The following ATP9B variants were observed in gnomAD, a reference collection of about 807,000 sequenced individuals.
The protein encoded by ATP9B is probable phospholipid-transporting ATPase IIB.
In ATP9B, 110 loss-of-function variants were observed where a neutral mutation model predicts 146.1. The ratio of observed to expected loss-of-function variants is 0.75; its 90% CI spans 0.65 to 0.88. The LOEUF is 0.88. Ranked by LOEUF, ATP9B falls within the 40% of genes least tolerant of loss-of-function variation. ATP9B has a pLI of 0.00. For missense variants in ATP9B, 1,499 were observed against 1,496.4 expected (o/e 1.00, Z -0.03); for synonymous variants, 604 against 569.7 (o/e 1.06, Z -0.86).
At chr18:79,091,764 A>G (rs1042171106) in intron 1 of ATP9B, among the ~76,000 whole-genome samples, 7 of 152,202 alleles carry the variant, frequency 4.6e-5, no homozygotes, top group Non-Finnish European at 2.9e-5. Flanking sequence ...GATTCCCCCT[A>G]TATGTTTCTC....
chr18:79,354,270 T>C (rs541595935), intron 25 of ATP9B: 5 of 152,068 alleles, frequency 3.3e-5, no homozygotes, highest in Non-Finnish European at 7.3e-5. Flanking sequence ...CAATGTCATT[T>C]AACAACAACA....
intron 7 of ATP9B, among the ~76,000 whole-genome samples, chr18:79,156,485 C>T (rs779408632): frequency 1.1e-4 from 17 of 152,226 alleles, no homozygotes; most frequent in South Asian, 4.1e-4. Flanking sequence ...AAGCTTCCGT[C>T]AGCCTGGTGT....
At chr18:79,315,802 T>G (rs1306413757) in intron 15 of ATP9B, among the ~76,000 whole-genome samples, 1 of 152,238 alleles carries the variant, frequency 6.6e-6, no homozygotes, top group African/African-American at 2.4e-5. Flanking sequence ...ACAAATCGCC[T>G]GTGGCAGAGA....
intron 15 of ATP9B, among the ~76,000 whole-genome samples, chr18:79,308,561 G>A (rs1373072949): frequency 6.6e-6 from 1 of 152,248 alleles, no homozygotes; most frequent in Non-Finnish European, 1.5e-5. Flanking sequence ...CTGCATGCCT[G>A]TGTGATTCCA....
chr18:79,265,934 C>T (rs552307384), intron 12 of ATP9B, among the ~76,000 whole-genome samples: 1 of 152,270 alleles, frequency 6.6e-6, no homozygotes, highest in South Asian at 2.1e-4. Flanking sequence ...AAGAAGGGGT[C>T]CGGTTTCTCT....
chr18:79,305,350 G>A (rs971706081), intron 14 of ATP9B, among the ~76,000 whole-genome samples: 1 of 152,156 alleles, frequency 6.6e-6, no homozygotes. Flanking sequence ...CTGTCGGCAT[G>A]CTGTCAAATG....
At chr18:79,327,577 G>GCT (rs1304811942) in intron 15 of ATP9B, among the ~76,000 whole-genome samples, 15 of 139,934 alleles carry the variant, frequency 1.1e-4, no homozygotes, top group African/African-American at 3.6e-4. Context: ...TGGTTAGCGT[G>GCT]CTCTCCGTGG....
intron 1 of ATP9B, among the ~76,000 whole-genome samples, chr18:79,081,980 C>A (rs975193841): frequency 6.6e-6 from 1 of 152,040 alleles, no homozygotes; most frequent in Non-Finnish European, 1.5e-5. Flanking sequence ...GAAGTTCTCC[C>A]GGATAATATC....
Position 79,374,381 on chromosome 18 carries a change from C to T in ATP9B, c.3274+280C>T, listed in dbSNP as rs1359408376. The T allele has an allele frequency of 6.5e-4, 44 of 67,672 alleles. 1 individual carries two copies. Among genetic ancestry groups the T allele is most frequent in the East Asian group, 3.2e-3 (1 of 312 alleles). 4.2% of individuals were successfully genotyped at this position (67,672 alleles called of 1,614,324 possible). On this transcript the variant is annotated intron_variant, in intron 28 of 29. Coordinates refer to ENST00000426216, the MANE Select transcript of ATP9B (RefSeq NM_198531.5). ...TGAGCCCCGTCGGTCACTGGCTGGC[C>T]GGTCCCCTGACAGGAGGCGCTAAGC...
At chr18:79,098,549 A>C (rs556357754) in intron 2 of ATP9B, among the ~76,000 whole-genome samples, 1 of 151,854 alleles carries the variant, frequency 6.6e-6, no homozygotes, top group South Asian at 2.1e-4. Context: ...GAAAACAAAC[A>C]ACCCCATCAA....
At chr18:79,085,501 C>T (rs1392636401) in intron 1 of ATP9B, 6 of 152,274 alleles carry the variant, frequency 3.9e-5, no homozygotes, top group East Asian at 1.9e-4. Context: ...TCACTGGGAA[C>T]GCAGTTACTT....
chr18:79,071,497 C>T (rs917554302), intron 1 of ATP9B, among the ~76,000 whole-genome samples: 1 of 142,270 alleles, frequency 7.0e-6, no homozygotes, highest in African/African-American at 2.6e-5. Context: ...TGGGCCCAGG[C>T]AATCCACCCA....
Position 79,167,628 on chromosome 18 carries a change from C to A in ATP9B, c.779-9185C>A, listed in dbSNP as rs188331055. On this transcript the variant is annotated intron_variant, in intron 7 of 29. Transcript: ENST00000426216. ...TTTCTGTGTGAGTCTGGCCGAAACT[C>A]GCTTTTTTTATGAACTTAGAAGGGA... 1.4e-3 allele frequency among the ~76,000 whole-genome samples: 219 copies of A among 152,228 alleles called. 3 individuals are homozygous for A. Among genetic ancestry groups the A allele is most frequent in the African/African-American group, 5.0e-3 (206 of 41,526 alleles).
chr18:79,261,023 T>G lies in ATP9B; in HGVS notation c.1268+7482T>G, dbSNP rs2096135104. Among the ~76,000 whole-genome samples, 4 of 152,184 alleles carry G rather than the reference T, an allele frequency of 2.6e-5. No individual in the cohort carries two copies. The South Asian group carries it at 8.3e-4, about 32-fold the overall frequency. ...CAGGGTCCACAGGTGGAGAGGAACTTAGGTCCCAGCATGGACCATGGCCAG... is the reference window on the plus strand; with the variant it reads ...CAGGGTCCACAGGTGGAGAGGAACTGAGGTCCCAGCATGGACCATGGCCAG... On this transcript the variant is annotated intron_variant, in intron 12 of 29. Coordinates refer to ENST00000426216, the MANE Select transcript of ATP9B (RefSeq NM_198531.5).
intron 7 of ATP9B, among the ~76,000 whole-genome samples, chr18:79,161,652 T>C (rs945479344): frequency 1.3e-5 from 2 of 152,118 alleles, no homozygotes; most frequent in Non-Finnish European, 2.9e-5. Flanking sequence ...ATCGAGACCA[T>C]CCTGGCTAAC....
chr18:79,243,087 T>G (rs1409958442), intron 11 of ATP9B, among the ~76,000 whole-genome samples: 1 of 152,236 alleles, frequency 6.6e-6, no homozygotes, highest in Non-Finnish European at 1.5e-5. Context: ...TTCTCTTTCT[T>G]TGCTATTCTA....
chr18:79,247,819 A>G (rs1941913284), intron 11 of ATP9B, among the ~76,000 whole-genome samples: 1 of 152,266 alleles, frequency 6.6e-6, no homozygotes, highest in South Asian at 2.1e-4. Flanking sequence ...TAATAACTAT[A>G]TAGCAAGCAA....
At chr18:79,311,231 AG>A (rs1240034959) in intron 15 of ATP9B, among the ~76,000 whole-genome samples, 1 of 152,220 alleles carries the variant, frequency 6.6e-6, no homozygotes, top group Non-Finnish European at 1.5e-5. Flanking sequence ...CCCACAATTG[AG>A]AACCACTGTA....
chr18:79,252,949 G>C (rs777119409), intron 11 of ATP9B, among the ~76,000 whole-genome samples: 1 of 152,214 alleles, frequency 6.6e-6, no homozygotes, highest in Non-Finnish European at 1.5e-5. Flanking sequence ...GATAACAGAG[G>C]CATGGTCATG....
Sources: allele counts gnomAD v4.1 joint callset (sites outside exome capture counted in the v4.1 genomes callset), GRCh38; gene constraint gnomAD v4.1.1; transcripts MANE v1.5; gene names NCBI Gene and HGNC (gene_info 2026-07-23, HGNC 2026-07-21).